The following MGAT4C variants were observed in gnomAD, a reference collection of about 807,000 sequenced individuals.
The protein encoded by MGAT4C is MGAT4 family member C, also known as alpha-1,3-mannosyl-glycoprotein 4-beta-N-acetylglucosaminyltransferase C.
In MGAT4C, 19 loss-of-function variants were observed where a neutral mutation model predicts 40.1. The ratio of observed to expected loss-of-function variants is 0.47; its 90% confidence interval spans 0.33 to 0.70. MGAT4C has a LOEUF of 0.70. Among genes scored for constraint, MGAT4C ranks in the 30% least tolerant of loss-of-function variants. MGAT4C has a pLI of 0.02. For synonymous variants in MGAT4C, 181 were observed against 187.1 expected (o/e 0.97, Z 0.27); for missense variants, 491 against 563.2 (o/e 0.87, Z 1.30).
intron 3 of MGAT4C, among the ~76,000 whole-genome samples, chr12:86,405,849 C>T (rs1956455612): frequency 1.3e-5 from 2 of 148,466 alleles, no homozygotes; most frequent in African/African-American, 4.9e-5. Context: ...CAAAGCAATT[C>T]AGTGAGGGAA....
chr12:86,323,541 G>A (rs191583303), intron 4 of MGAT4C, among the ~76,000 whole-genome samples: 4 of 151,808 alleles, frequency 2.6e-5, no homozygotes, highest in African/African-American at 9.6e-5. Flanking sequence ...TAATAATACA[G>A]TTAATTTAAT....
chr12:85,999,960 C>T (rs1197034418), intron 2 of MGAT4C, among the ~76,000 whole-genome samples: 1 of 152,068 alleles, frequency 6.6e-6, no homozygotes, highest in Non-Finnish European at 1.5e-5. Flanking sequence ...AGGGTGACTA[C>T]AGCTAATAAC....
intron 1 of MGAT4C, among the ~76,000 whole-genome samples, chr12:86,183,092 C>A (rs1287054100): frequency 6.6e-6 from 1 of 152,168 alleles, no homozygotes; most frequent in Non-Finnish European, 1.5e-5. Flanking sequence ...CCAGGCTACA[C>A]TACTTGGTAA....
In MGAT4C at chr12:86,784,957, A is replaced by C. The variant is rs181800149; in HGVS notation, c.-262+53709T>G. Among the ~76,000 whole-genome samples the C allele has an allele frequency of 3.7e-4, 56 of 152,116 alleles. 1 individual carries two copies. Among genetic ancestry groups the C allele is most frequent in the African/African-American group, 1.3e-3 (55 of 41,576 alleles). On this transcript the variant is annotated intron_variant, in intron 1 of 7. Coordinates refer to the MGAT4C transcript ENST00000548651. The stretch of plus-strand genomic sequence containing the variant: ...CCATATCAGTTTCATATCAGTAATC[A>C]TGCTCTTGGGATTAGACAGATTTGG...
intron 1 of MGAT4C, among the ~76,000 whole-genome samples, chr12:86,782,779 C>T (rs911849527): frequency 6.6e-6 from 1 of 151,744 alleles, no homozygotes; most frequent in Admixed American, 6.6e-5. Flanking sequence ...ATCTCTTGCC[C>T]AGAGGAAAAG....
At position 85,958,387 on chromosome 12, in the gene MGAT4C, G is replaced by A. The variant is rs1882932379; in HGVS notation, c.*20902C>T. 1 of 152,072 alleles carries A rather than the reference G, an allele frequency of 6.6e-6. No individual in the cohort carries two copies. Among genetic ancestry groups the A allele is most frequent in the South Asian group, 2.1e-4 (1 of 4,822 alleles). 9.4% of individuals were successfully genotyped at this position (152,072 alleles called of 1,614,324 possible). A position where few individuals can be genotyped will look rare whatever the true frequency, so the allele number is the denominator to read the frequency against. On this transcript the variant is annotated 3_prime_UTR_variant, in exon 5 of 5. Coordinates refer to ENST00000611864, the MANE Select transcript of MGAT4C (RefSeq NM_001351288.2). ...GCCAGTTTTTAAAGTATTTCATACAGTGTAACTAGGCAGTCAGAAATACCT... is the reference window on the plus strand; with the variant it reads ...GCCAGTTTTTAAAGTATTTCATACAATGTAACTAGGCAGTCAGAAATACCT...
At chr12:86,741,003 C>T (rs1951060011) in intron 1 of MGAT4C, among the ~76,000 whole-genome samples, 1 of 150,800 alleles carries the variant, frequency 6.6e-6, no homozygotes, top group South Asian at 2.1e-4. Context: ...CCACCTCTCT[C>T]CCTCCCTTAT....
At chr12:86,814,073 G>T (rs1044986430) in intron 1 of MGAT4C, among the ~76,000 whole-genome samples, 1 of 151,526 alleles carries the variant, frequency 6.6e-6, no homozygotes, top group African/African-American at 2.4e-5. Flanking sequence ...GCCACGCCTG[G>T]CAAATTTTTT....
Position 85,964,626 on chromosome 12 carries a change from C to A in MGAT4C, c.*14663G>T, listed in dbSNP as rs1883264120. On this transcript the variant is annotated 3_prime_UTR_variant, in exon 5 of 5. Transcript: ENST00000611864. The stretch of plus-strand genomic sequence containing the variant: ...GTAAGATACTCTTATCCTACATATA[C>A]GCCAGAAAAATTGCTTCTCCTCTGA... 2 of 152,122 alleles carry A rather than the reference C, an allele frequency of 1.3e-5. No homozygotes were observed. The highest frequency in any genetic ancestry group is 2.9e-5 in the Non-Finnish European group (2 of 68,024). 9.4% of individuals were successfully genotyped at this position (152,122 alleles called of 1,614,324 possible). A position where few individuals can be genotyped will look rare whatever the true frequency, so the allele number is the denominator to read the frequency against.
intron 4 of MGAT4C, among the ~76,000 whole-genome samples, chr12:86,268,788 C>A (rs1432595786): frequency 6.8e-6 from 1 of 146,600 alleles, no homozygotes; most frequent in Non-Finnish European, 1.5e-5. Flanking sequence ...TTGTTTATTT[C>A]AGTTTTTACC....
chr12:86,391,997 C>T (rs1956168881), intron 3 of MGAT4C, among the ~76,000 whole-genome samples: 1 of 152,106 alleles, frequency 6.6e-6, no homozygotes, highest in South Asian at 2.1e-4. Flanking sequence ...TTCTAGTTTT[C>T]TTACTGATGA....
At chr12:86,361,053 G>A (rs957703543) in intron 3 of MGAT4C, among the ~76,000 whole-genome samples, 1 of 152,024 alleles carries the variant, frequency 6.6e-6, no homozygotes, top group Non-Finnish European at 1.5e-5. Flanking sequence ...AAAGAACAAA[G>A]CTGGAGGCAT....
In MGAT4C at chr12:85,979,862, T is replaced by C. The variant is rs1884347080; in HGVS notation, c.864A>G (p.Leu288=). Residue 288 remains leucine, a synonymous_variant, in exon 5 of 5, where the codon CTA becomes CTG. Transcript: ENST00000611864. ...MFYQEMPCDW[L]LTHFRGLLAQ... ...CCAACAGACCACGGAAATGAGTCAATAGCCAATCACAAGGCATTTCTTGAT... is the reference window on the plus strand; with the variant it reads ...CCAACAGACCACGGAAATGAGTCAACAGCCAATCACAAGGCATTTCTTGAT... The C allele has an allele frequency of 3.1e-6, 5 of 1,613,722 alleles. No homozygotes were observed. The African/African-American group carries it at 4.0e-5, about 13-fold the overall frequency.
chr12:86,458,717 C>T (rs530373591), intron 2 of MGAT4C, among the ~76,000 whole-genome samples: 6 of 152,168 alleles, frequency 3.9e-5, no homozygotes, highest in East Asian at 1.9e-4. Context: ...TATTTTTAAA[C>T]GAGTAAATGA....
intron 2 of MGAT4C, among the ~76,000 whole-genome samples, chr12:86,453,091 A>T (rs926787066): frequency 6.6e-6 from 1 of 152,148 alleles, no homozygotes; most frequent in African/African-American, 2.4e-5. Flanking sequence ...AAAGTTATTT[A>T]AACTCTCCTG....
chr12:86,224,894 C>A (rs1003199312), intron 1 of MGAT4C, among the ~76,000 whole-genome samples: 2 of 151,462 alleles, frequency 1.3e-5, no homozygotes, highest in East Asian at 1.9e-4. Context: ...AAAGCAGGAA[C>A]AAAGTAAGCT....
chr12:86,103,149 C>G (rs919265349), intron 1 of MGAT4C, among the ~76,000 whole-genome samples: 1 of 152,174 alleles, frequency 6.6e-6, no homozygotes, highest in African/African-American at 2.4e-5. Context: ...TAATATAGGT[C>G]AGCTAGGGAG....
intron 1 of MGAT4C, among the ~76,000 whole-genome samples, chr12:86,817,167 A>G (rs1159927973): frequency 6.6e-6 from 1 of 151,088 alleles, no homozygotes; most frequent in Admixed American, 6.6e-5. Context: ...TAATTTATAC[A>G]CTACTTTATT....
chr12:86,372,267 T>C (rs1035107006), intron 3 of MGAT4C, among the ~76,000 whole-genome samples: 12 of 151,850 alleles, frequency 7.9e-5, no homozygotes, highest in Non-Finnish European at 1.6e-4. Context: ...TAGGGTATAT[T>C]ATGAGCTGCA....
Sources: gnomAD v4.1 joint callset for allele counts (sites outside exome capture counted in the v4.1 genomes callset) on GRCh38, gnomAD v4.1.1 for gene constraint, MANE v1.5 for transcripts, NCBI Gene and HGNC (gene_info 2026-07-23, HGNC 2026-07-21) for gene names.